LYZL2: variants seen among roughly 807,000 people sequenced by gnomAD.
LYZL2 encodes the protein lysozyme like 2.
A neutral mutation model predicts 17.1 loss-of-function variants in LYZL2; 13 were observed. The ratio of observed to expected loss-of-function variants is 0.76; its 90% CI spans 0.49 to 1.21. The LOEUF (loss-of-function observed/expected upper bound fraction) is 1.21, where lower values mean the gene tolerates loss of function less well. Among genes scored for constraint, LYZL2 ranks in the 50% most tolerant of loss-of-function variants. LYZL2 has a pLI of 0.00. For synonymous variants in LYZL2, 63 were observed against 74.4 expected (o/e 0.85, Z 0.79); for missense variants, 166 against 189.2 (o/e 0.88, Z 0.72).
intron 3 of LYZL2, among the ~76,000 whole-genome samples, chr10:30,624,171 TCTC>T (rs1397458027): frequency 1.8e-4 from 28 of 152,296 alleles, no homozygotes; most frequent in African/African-American, 6.5e-4. Flanking sequence ...TCTCTACCCT[TCTC>T]CACCATGCTC....
In LYZL2 at chr10:30,611,972, CTT is replaced by C; in HGVS notation, c.428_429del (p.Lys143ArgfsTer3). On this transcript the variant is annotated frameshift_variant, in exon 5 of 5. Transcript: ENST00000647634. LOFTEE classifies it high-confidence loss of function. ...CEGRDLSDWK[K>X]DCEVS ...GTTCCAGTTTAGGAAACCTCACAGT[CTT>C]TTTTCCAGTCGGACAGGTCTCTCCC... is the stretch of plus-strand genomic sequence containing the variant. 6.2e-7 allele frequency: 1 copy of C among 1,614,180 alleles called. No individual in the cohort carries two copies. The highest frequency in any genetic ancestry group is 8.5e-7 in the Non-Finnish European group (1 of 1,180,038).
downstream of LYZL2, among the ~76,000 whole-genome samples, chr10:30,611,553 AGG>A (rs1491456264): frequency 0.012 from 1,155 of 96,296 alleles, 4 homozygotes; most frequent in Middle Eastern, 0.026. Flanking sequence ...GAAGGAAGGA[AGG>A]AAGGAAGGAA....
chr10:30,611,043 A>C (rs1009220686), downstream of LYZL2, among the ~76,000 whole-genome samples: 1 of 152,022 alleles, frequency 6.6e-6, no homozygotes, highest in African/African-American at 2.4e-5. Flanking sequence ...ACCCTTCTGC[A>C]TGTGTCCTGT....
intron 1 of LYZL2, among the ~76,000 whole-genome samples, chr10:30,627,599 A>G (rs1838734784): frequency 6.6e-6 from 1 of 152,088 alleles, no homozygotes; most frequent in Non-Finnish European, 1.5e-5. Flanking sequence ...TCTCTAGCTT[A>G]CTTTATTGTA....
At chr10:30,622,991 C>A (rs1428851569) in intron 3 of LYZL2, among the ~76,000 whole-genome samples, 1 of 152,054 alleles carries the variant, frequency 6.6e-6, no homozygotes, top group Non-Finnish European at 1.5e-5. Flanking sequence ...TCAAAGAAAG[C>A]GAGAGTGGGC....
intron 3 of LYZL2, among the ~76,000 whole-genome samples, chr10:30,615,563 G>A (rs1588673928): frequency 1.3e-5 from 2 of 151,822 alleles, no homozygotes; most frequent in East Asian, 3.9e-4. Context: ...CACACACTCT[G>A]TCACACACAC....
At chr10:30,621,249 T>C (rs1000272050) in intron 3 of LYZL2, among the ~76,000 whole-genome samples, 6 of 152,116 alleles carry the variant, frequency 3.9e-5, no homozygotes, top group African/African-American at 1.4e-4. Context: ...TGGTTTCCCA[T>C]CATACACAAG....
intron 3 of LYZL2, among the ~76,000 whole-genome samples, chr10:30,617,210 C>G (rs745351210): frequency 6.6e-6 from 1 of 152,062 alleles, no homozygotes; most frequent in Non-Finnish European, 1.5e-5. Flanking sequence ...GGGGGCAGGG[C>G]AGTTTGCTTG....
chr10:30,622,218 C>A (rs1206233786), intron 3 of LYZL2, among the ~76,000 whole-genome samples: 3 of 152,012 alleles, frequency 2.0e-5, no homozygotes, highest in African/African-American at 7.2e-5. Flanking sequence ...ATAGATGGCA[C>A]AAACAGAAAA....
In LYZL2 at chr10:30,611,841, C is replaced by T; in HGVS notation, c.*114G>A. 6.4e-7 allele frequency: 1 copy of T among 1,570,182 alleles called. No individual in the cohort carries two copies. Among genetic ancestry groups the T allele is most frequent in the South Asian group, 1.2e-5 (1 of 83,852 alleles). On this transcript the variant is annotated 3_prime_UTR_variant, in exon 5 of 5. Transcript: ENST00000647634. ...TTAAAAGTATAGCTTAATTTTCCCT[C>T]TCCAAGTTTGAGAAGGAATATTGGG...
chr10:30,616,652 C>A (rs1278126305), intron 3 of LYZL2, among the ~76,000 whole-genome samples: 1 of 152,224 alleles, frequency 6.6e-6, no homozygotes, highest in African/African-American at 2.4e-5. Context: ...CATGTTAAAT[C>A]TCTTCACGCA....
rs144832807 is a variant in LYZL2, at chr10:30,627,347, C to T, written c.-25-407G>A. On this transcript the variant is annotated intron_variant, in intron 1 of 4. Transcript: ENST00000647634. ...TTTGAACTGCGTGGGTCCATTTATC[C>T]GTGAATTTTCTTCTGCCTCTGCCAC... Among the ~76,000 whole-genome samples the T allele has an allele frequency of 9.4e-3, 1,424 of 151,580 alleles. 10 individuals carry two copies. Among genetic ancestry groups the T allele is most frequent in the African/African-American group, 0.031 (1,296 of 41,164 alleles).
downstream of LYZL2, among the ~76,000 whole-genome samples, chr10:30,611,570 G>GGAAAGAAAGAAAGAAAGAAAGAAA: frequency 1.8e-5 from 1 of 54,120 alleles, no homozygotes; most frequent in South Asian, 8.4e-4. Context: ...AAGGAAGGAA[G>GGAAAGAAAGAAAGAAAGAAAGAAA]GAAAGAAAGA....
At chr10:30,629,221 C>T (rs1838767520) in intron 1 of LYZL2, among the ~76,000 whole-genome samples, 1 of 152,056 alleles carries the variant, frequency 6.6e-6, no homozygotes, top group Non-Finnish European at 1.5e-5. Flanking sequence ...AGGTAGACCT[C>T]TGTCACTACA....
chr10:30,611,930 A>C lies in LYZL2; in HGVS notation c.*25T>G. 2.5e-6 allele frequency: 4 copies of C among 1,614,222 alleles called. No individual in the cohort carries two copies. Among genetic ancestry groups the C allele is most frequent in the Non-Finnish European group, 3.4e-6 (4 of 1,180,042 alleles). ...ACTGCAAACCCTAGGGCGTTGCTGC[A>C]AAGCATCCTGGGTCCAGTTCCAGTT... On this transcript the variant is annotated 3_prime_UTR_variant, in exon 5 of 5. Transcript: ENST00000647634.
chr10:30,620,133 G>A (rs1246936929), intron 3 of LYZL2, among the ~76,000 whole-genome samples: 1 of 152,176 alleles, frequency 6.6e-6, no homozygotes, highest in Non-Finnish European at 1.5e-5. Flanking sequence ...TGCAGCGTGA[G>A]GCCACTGCTG....
At chr10:30,624,677 C>T (rs1434114210) in intron 3 of LYZL2, among the ~76,000 whole-genome samples, 1 of 152,214 alleles carries the variant, frequency 6.6e-6, no homozygotes, top group Non-Finnish European at 1.5e-5. Context: ...GAACTACAGG[C>T]ATATGCCTGG....
chr10:30,617,201 G>C (rs1395724106), intron 3 of LYZL2, among the ~76,000 whole-genome samples: 2 of 152,114 alleles, frequency 1.3e-5, no homozygotes, highest in East Asian at 1.9e-4. Flanking sequence ...ATTTGTACTG[G>C]GGGCAGGGCA....
At chr10:30,627,194 T>C (rs7097302) in intron 1 of LYZL2, among the ~76,000 whole-genome samples, 1,997 of 149,394 alleles carry the variant, frequency 0.013, 47 homozygotes, top group African/African-American at 0.039. Flanking sequence ...AAAATTAACC[T>C]TCCTTAATAC....
Sources: allele counts gnomAD v4.1 joint callset (sites outside exome capture counted in the v4.1 genomes callset), GRCh38; gene constraint gnomAD v4.1.1; transcripts MANE v1.5; gene names NCBI Gene and HGNC (gene_info 2026-07-23, HGNC 2026-07-21).